Variants in PIK3CA observed in about 807,000 individuals in gnomAD.
PIK3CA encodes the protein phosphatidylinositol-4,5-bisphosphate 3-kinase catalytic subunit alpha.
A neutral mutation model predicts 138.2 loss-of-function variants in PIK3CA; 27 were observed. That is an observed-to-expected ratio of 0.20 (90% CI 0.14 to 0.27). PIK3CA has a LOEUF of 0.27. Ranked by LOEUF, PIK3CA falls within the 10% of genes least tolerant of loss-of-function variation. The pLI is 1.00. For missense variants in PIK3CA, 544 were observed against 1,277.4 expected (o/e 0.43, Z 8.75); for synonymous variants, 358 against 413.2 (o/e 0.87, Z 1.62).
chr3:179,174,431 C>A (rs911505567), intron 1 of PIK3CA, among the ~76,000 whole-genome samples: 1 of 152,206 alleles, frequency 6.6e-6, no homozygotes, highest in Non-Finnish European at 1.5e-5. Flanking sequence ...GATTGTGCCA[C>A]TGCACTCTCT....
chr3:179,204,064 G>A (rs1724492748), intron 5 of PIK3CA, among the ~76,000 whole-genome samples: 1 of 152,114 alleles, frequency 6.6e-6, no homozygotes, highest in Admixed American at 6.5e-5. Context: ...AGAAAGACCT[G>A]GGCCAACCTT....
At chr3:179,178,107 GT>G (rs1205504453) in intron 1 of PIK3CA, among the ~76,000 whole-genome samples, 4 of 126,548 alleles carry the variant, frequency 3.2e-5, no homozygotes, top group South Asian at 2.9e-4. Context: ...AAGTGTTTGG[GT>G]TTTTTTTTGT....
At chr3:179,152,948 A>G (rs1723048885) in intron 1 of PIK3CA, among the ~76,000 whole-genome samples, 1 of 152,200 alleles carries the variant, frequency 6.6e-6, no homozygotes, top group Non-Finnish European at 1.5e-5. Context: ...GGTACAGTCT[A>G]AACTGATGAA....
intron 4 of PIK3CA, among the ~76,000 whole-genome samples, chr3:179,203,144 T>G (rs935235860): frequency 6.6e-6 from 1 of 151,642 alleles, no homozygotes; most frequent in South Asian, 2.1e-4. Flanking sequence ...GTTTCACCGT[T>G]TTAGCCAGGA....
At chr3:179,190,983 G>C (rs1724121017) in intron 1 of PIK3CA, among the ~76,000 whole-genome samples, 1 of 152,222 alleles carries the variant, frequency 6.6e-6, no homozygotes, top group African/African-American at 2.4e-5. Context: ...TAGGTGAAAA[G>C]TCTGTATGGG....
At chr3:179,149,590 G>A (rs1722957197) in intron 1 of PIK3CA, 2 of 152,238 alleles carry the variant, frequency 1.3e-5, no homozygotes, top group African/African-American at 4.8e-5. Flanking sequence ...TTAGAGTTGT[G>A]ATTTCATCTT....
chr3:179,184,090 A>C (rs1723915032), intron 1 of PIK3CA, among the ~76,000 whole-genome samples: 1 of 152,234 alleles, frequency 6.6e-6, no homozygotes, highest in Non-Finnish European at 1.5e-5. Context: ...TCCCTGTGCA[A>C]AATTGATAGA....
At chr3:179,176,897 G>C (rs1723710816) in intron 1 of PIK3CA, among the ~76,000 whole-genome samples, 1 of 152,178 alleles carries the variant, frequency 6.6e-6, no homozygotes, top group Non-Finnish European at 1.5e-5. Context: ...TTGTCAGACT[G>C]TCTCCCAGAA....
At chr3:179,181,669 T>A (rs1723849274) in intron 1 of PIK3CA, among the ~76,000 whole-genome samples, 1 of 152,214 alleles carries the variant, frequency 6.6e-6, no homozygotes. Context: ...ACAGTGGAGA[T>A]AATTAAACAT....
At chr3:179,232,093 T>C (rs748919300) in intron 20 of PIK3CA, among the ~76,000 whole-genome samples, 9 of 152,204 alleles carry the variant, frequency 5.9e-5, no homozygotes, top group Non-Finnish European at 1.3e-4. Flanking sequence ...TTTCTTTTGT[T>C]ATGCAGAGGC....
chr3:179,211,865 T>C (rs1186773509), intron 9 of PIK3CA, among the ~76,000 whole-genome samples: 1 of 151,992 alleles, frequency 6.6e-6, no homozygotes, highest in East Asian at 1.9e-4. Flanking sequence ...ATGCTAGAGG[T>C]ACTCTCAAGA....
rs940901387 is a variant in PIK3CA at position 179,226,137 on chromosome 3, G to T, written c.2495+97G>T. 4 of 648,244 alleles carry T rather than the reference G, an allele frequency of 6.2e-6. No homozygotes were observed. In the African/African-American group the frequency reaches 7.3e-5, roughly 12 times the overall value. The allele number at this position is 648,244 out of a possible 1,614,324, so 40.2% of individuals were successfully genotyped here. A position where few individuals can be genotyped will look rare whatever the true frequency, so the allele number is the denominator to read the frequency against. The stretch of plus-strand genomic sequence containing the variant: ...GCATATAGAGGCATATGTCTAAAAA[G>T]AAATGTATGCAGTAATTATCAGTAG... On this transcript the variant is annotated intron_variant, in intron 17 of 20. Transcript: ENST00000263967.
At chr3:179,189,973 A>G (rs1365234740) in intron 1 of PIK3CA, among the ~76,000 whole-genome samples, 1 of 152,230 alleles carries the variant, frequency 6.6e-6, no homozygotes, top group African/African-American at 2.4e-5. Context: ...GACTCACTCC[A>G]GAAACAGCTC....
At chr3:179,184,651 A>C (rs1330539770) in intron 1 of PIK3CA, among the ~76,000 whole-genome samples, 1 of 152,210 alleles carries the variant, frequency 6.6e-6, no homozygotes, top group East Asian at 1.9e-4. Flanking sequence ...TGGTGTCCCC[A>C]AAGTTGATAG....
At chr3:179,211,668 AAAAAC>A (rs1170810893) in intron 9 of PIK3CA, among the ~76,000 whole-genome samples, 4 of 152,190 alleles carry the variant, frequency 2.6e-5, no homozygotes, top group Admixed American at 6.5e-5. Context: ...CTCCGTCTCA[AAAAAC>A]AAAACAAAAC....
At chr3:179,197,988 T>C (rs1724311306) in intron 1 of PIK3CA, among the ~76,000 whole-genome samples, 1 of 152,194 alleles carries the variant, frequency 6.6e-6, no homozygotes, top group South Asian at 2.1e-4. Flanking sequence ...CTTATTTATG[T>C]GTAGATTCAT....
intron 1 of PIK3CA, among the ~76,000 whole-genome samples, chr3:179,156,720 AT>A (rs1428489017): frequency 1.3e-5 from 2 of 152,158 alleles, no homozygotes; most frequent in Non-Finnish European, 2.9e-5. Context: ...TGCTCAGGTA[AT>A]GAGATATTAT....
At position 179,203,653 on chromosome 3, in the gene PIK3CA, C is replaced by G; in HGVS notation, c.923C>G (p.Ser308Cys). Reference sequence around the variant, plus strand: ...GACTGTTTTACAATGCCATCTTATTCCAGACGCATTTCCACAGCTACACCA... The same window carrying G: ...GACTGTTTTACAATGCCATCTTATTGCAGACGCATTTCCACAGCTACACCA... ...PMDCFTMPSYSRRISTATPYM... is the reference protein window; with the variant it reads ...PMDCFTMPSYCRRISTATPYM... Residue 308 changes from serine (S) to cysteine (C), a missense_variant, in exon 5 of 21, where the codon TCC becomes TGC. This residue lies in a region of PIK3CA where 234 missense variants were observed against 401.3 expected (regional missense o/e 0.58). Coordinates refer to ENST00000263967, the MANE Select transcript of PIK3CA (RefSeq NM_006218.4). The G allele has an allele frequency of 6.2e-7, 1 of 1,613,848 alleles. No individual in the cohort carries two copies. The highest frequency in any genetic ancestry group is 8.5e-7 in the Non-Finnish European group (1 of 1,179,932).
chr3:179,170,061 TGCACACGCGCGCGC>T (rs1408726777), intron 1 of PIK3CA, among the ~76,000 whole-genome samples: 2 of 127,964 alleles, frequency 1.6e-5, no homozygotes, highest in South Asian at 2.7e-4. Context: ...CACATGCGCG[TGCACACGCGCGCGC>T]GCACACACAC....
Sources: allele counts gnomAD v4.1 joint callset (sites outside exome capture counted in the v4.1 genomes callset), GRCh38; gene constraint gnomAD v4.1.1; regional missense constraint gnomAD v4.1.1; transcripts MANE v1.5; gene names NCBI Gene and HGNC (gene_info 2026-07-23, HGNC 2026-07-21).